The following RBFOX1 variants were observed in gnomAD, a reference collection of about 807,000 sequenced individuals.
The protein encoded by RBFOX1 is RNA binding fox-1 homolog 1, also known as RNA binding protein fox-1 homolog 1.
In RBFOX1, 8 loss-of-function variants were observed where a neutral mutation model predicts 57.7. That is an observed-to-expected ratio of 0.14 (90% CI 0.08 to 0.25). The LOEUF (loss-of-function observed/expected upper bound fraction) is 0.25, where lower values mean the gene tolerates loss of function less well. Ranked by LOEUF, RBFOX1 falls within the 10% of genes least tolerant of loss-of-function variation. The pLI is 1.00. For synonymous variants in RBFOX1, 326 were observed against 222.4 expected, an observed-to-expected ratio of 1.47 and a Z score of -4.15; for missense variants, 611 against 548.5, an observed-to-expected ratio of 1.11 and a Z score of -1.14.
intron 2 of RBFOX1, among the ~76,000 whole-genome samples, chr16:6,622,261 C>A (rs1415585046): frequency 2.0e-5 from 3 of 152,192 alleles, no homozygotes; most frequent in Non-Finnish European, 4.4e-5. Flanking sequence ...CAACAGCAGA[C>A]TACATATATG....
At position 6,644,431 on chromosome 16, in the gene RBFOX1, C is replaced by T. The variant is rs146006789; in HGVS notation, c.-63-10172C>T. On this transcript the variant is annotated intron_variant, in intron 2 of 15. Transcript: ENST00000550418. The stretch of plus-strand genomic sequence containing the variant: ...TGCTGTTTAAGAAGGAAGAGCAAAA[C>T]CTTCTTCCTCAGCAGTAATCAATTT... 1.7e-3 allele frequency among the ~76,000 whole-genome samples: 263 copies of T among 152,274 alleles called. 1 individual carries two copies. The highest frequency in any genetic ancestry group is 5.8e-3 in the African/African-American group (241 of 41,550).
Position 5,420,385 on chromosome 16 carries a change from C to G in RBFOX1, c.220-46831C>G, listed in dbSNP as rs1365231024. On this transcript the variant is annotated intron_variant, in intron 1 of 2. Coordinates refer to the RBFOX1 transcript ENST00000585867. ...TTTTTAATAAATATTCTCCACCACC[C>G]CCATATACACACACACACACACACA... Among the ~76,000 whole-genome samples, 12 of 78,214 alleles carry G rather than the reference C, an allele frequency of 1.5e-4. No homozygotes were observed. In the East Asian group the frequency reaches 5.2e-3, roughly 34 times the overall value. 51.3% of individuals were successfully genotyped at this position (78,214 alleles called of 152,430 possible). A position where few individuals can be genotyped will look rare whatever the true frequency, so the allele number is the denominator to read the frequency against.
chr16:5,713,564 A>G (rs1201739105), intron 3 of RBFOX1, among the ~76,000 whole-genome samples: 2 of 152,160 alleles, frequency 1.3e-5, no homozygotes, highest in Admixed American at 6.5e-5. Flanking sequence ...TTAAGGTTCT[A>G]AAAGCCCAAA....
intron 3 of RBFOX1, among the ~76,000 whole-genome samples, chr16:5,753,357 A>G (rs767859844): frequency 6.6e-6 from 1 of 152,170 alleles, no homozygotes; most frequent in Non-Finnish European, 1.5e-5. Flanking sequence ...ATGTGCCCTG[A>G]TTAGTGGTTA....
intron 3 of RBFOX1, among the ~76,000 whole-genome samples, chr16:5,645,967 G>A (rs1295324924): frequency 6.6e-6 from 1 of 151,656 alleles, no homozygotes; most frequent in African/African-American, 2.4e-5. Context: ...TCCTGAGTGA[G>A]TAGGACTATA....
intron 4 of RBFOX1, among the ~76,000 whole-genome samples, chr16:7,121,677 T>A (rs1033475347): frequency 6.6e-6 from 1 of 152,026 alleles, no homozygotes; most frequent in Non-Finnish European, 1.5e-5. Flanking sequence ...AGCAGGTATT[T>A]TTGTAGCTAT....
intron 3 of RBFOX1, among the ~76,000 whole-genome samples, chr16:6,715,824 T>C (rs567439661): frequency 6.6e-6 from 1 of 152,336 alleles, no homozygotes; most frequent in African/African-American, 2.4e-5. Flanking sequence ...ATATTGTGTT[T>C]CTTGAGATCA....
chr16:7,114,652 G>A (rs2065492195), intron 4 of RBFOX1, among the ~76,000 whole-genome samples: 1 of 152,160 alleles, frequency 6.6e-6, no homozygotes, highest in South Asian at 2.1e-4. Flanking sequence ...GGGCTGAGAA[G>A]TGCCTCATGC....
chr16:6,178,271 C>T lies in RBFOX1; in HGVS notation c.-126-138724C>T, dbSNP rs2097030588. Among the ~76,000 whole-genome samples, 4 of 137,606 alleles carry T rather than the reference C, an allele frequency of 2.9e-5. No homozygotes were observed. The South Asian group carries it at 9.3e-4, about 32-fold the overall frequency. The allele number at this position is 137,606 out of a possible 152,430, so 90.3% of individuals were successfully genotyped here. A position where few individuals can be genotyped will look rare whatever the true frequency, so the allele number is the denominator to read the frequency against. The stretch of plus-strand genomic sequence containing the variant: ...GTGAGATCTCGGTTCACTGCAACCT[C>T]TGTCTCCCAGGTTCAAGTGATTCTC... On this transcript the variant is annotated intron_variant, in intron 1 of 15. Coordinates refer to ENST00000550418, the MANE Select transcript of RBFOX1 (RefSeq NM_018723.4).
intron 1 of RBFOX1, among the ~76,000 whole-genome samples, chr16:6,083,209 G>A (rs369699493): frequency 6.6e-6 from 1 of 152,052 alleles, no homozygotes; most frequent in Admixed American, 6.6e-5. Context: ...CACCATGATG[G>A]CCAAGCTGGT....
intron 4 of RBFOX1, among the ~76,000 whole-genome samples, chr16:7,189,363 T>C (rs1211951520): frequency 1.4e-5 from 2 of 145,642 alleles, no homozygotes; most frequent in African/African-American, 2.5e-5. Flanking sequence ...GAGGTGGAGC[T>C]TGCAGTGAGC....
chr16:7,260,278 G>T (rs1230306651), intron 4 of RBFOX1, among the ~76,000 whole-genome samples: 1 of 152,204 alleles, frequency 6.6e-6, no homozygotes, highest in East Asian at 1.9e-4. Context: ...GGACTTGCCA[G>T]ATATCCAGAC....
intron 1 of RBFOX1, among the ~76,000 whole-genome samples, chr16:5,379,726 A>T (rs999704045): frequency 6.6e-6 from 1 of 152,178 alleles, no homozygotes; most frequent in Non-Finnish European, 1.5e-5. Flanking sequence ...CTCAGGGGAA[A>T]AGATGAGGCT....
intron 1 of RBFOX1, among the ~76,000 whole-genome samples, chr16:5,425,050 T>A (rs2067505589): frequency 7.1e-6 from 1 of 141,416 alleles, no homozygotes; most frequent in Non-Finnish European, 1.5e-5. Context: ...TCTCTCTCTC[T>A]CCTTCCTTCC....
At chr16:6,327,143 G>C (rs1282988278) in intron 2 of RBFOX1, among the ~76,000 whole-genome samples, 1 of 152,174 alleles carries the variant, frequency 6.6e-6, no homozygotes, top group South Asian at 2.1e-4. Context: ...TCCCAGTCCA[G>C]ATGTATGGTC....
chr16:7,362,441 G>A (rs766055114), intron 4 of RBFOX1, among the ~76,000 whole-genome samples: 18 of 151,464 alleles, frequency 1.2e-4, no homozygotes, highest in African/African-American at 1.9e-4. Flanking sequence ...TGTGTTCTGC[G>A]TGTACGTAGT....
intron 3 of RBFOX1, among the ~76,000 whole-genome samples, chr16:6,846,269 C>G (rs747421380): frequency 6.6e-6 from 1 of 152,098 alleles, no homozygotes; most frequent in South Asian, 2.1e-4. Flanking sequence ...TGAATTGGCC[C>G]GAAGATCCCC....
At chr16:6,661,408 A>G (rs2098700758) in intron 3 of RBFOX1, among the ~76,000 whole-genome samples, 1 of 152,164 alleles carries the variant, frequency 6.6e-6, no homozygotes, top group Non-Finnish European at 1.5e-5. Flanking sequence ...TGTGTCTGAG[A>G]TTGGCTAAAG....
intron 4 of RBFOX1, among the ~76,000 whole-genome samples, chr16:7,384,197 A>G (rs1787207371): frequency 6.6e-6 from 1 of 151,608 alleles, no homozygotes; most frequent in South Asian, 2.1e-4. Context: ...CATATATGAA[A>G]TATATATGAA....
Sources: gnomAD v4.1 joint callset for allele counts (sites outside exome capture counted in the v4.1 genomes callset) on GRCh38, gnomAD v4.1.1 for gene constraint, MANE v1.5 for transcripts, NCBI Gene and HGNC (gene_info 2026-07-23, HGNC 2026-07-21) for gene names.